The following FGD4 variants were observed in gnomAD, a reference collection of about 807,000 sequenced individuals.
FGD4 encodes FYVE, RhoGEF and PH domain containing 4, also known as FYVE, RhoGEF and PH domain-containing protein 4.
FGD4 carries 42 observed loss-of-function variants against 102.0 expected under a neutral mutation model. That is an observed-to-expected ratio of 0.41 (90% CI 0.32 to 0.53). The LOEUF (loss-of-function observed/expected upper bound fraction) is 0.53. Ranked by LOEUF, FGD4 falls within the 20% of genes least tolerant of loss-of-function variation. FGD4 has a pLI of 0.21. For missense variants in FGD4, 902 were observed against 1,078.2 expected (o/e 0.84, Z 2.29); for synonymous variants, 380 against 375.7 (o/e 1.01, Z -0.13).
intron 1 of FGD4, among the ~76,000 whole-genome samples, chr12:32,454,287 C>G (rs1411739854): frequency 6.6e-6 from 1 of 152,158 alleles, no homozygotes; most frequent in Non-Finnish European, 1.5e-5. Context: ...GGTTTTTACT[C>G]TTTCTAGTAC....
At chr12:32,406,692 G>A (rs1940946899) in intron 1 of FGD4, among the ~76,000 whole-genome samples, 1 of 152,086 alleles carries the variant, frequency 6.6e-6, no homozygotes, top group Admixed American at 6.6e-5. Context: ...GCTTCCAAAT[G>A]CCATTCTACC....
At position 32,640,838 on chromosome 12, in the gene FGD4, G is replaced by A; in HGVS notation, c.*305G>A. On this transcript the variant is annotated 3_prime_UTR_variant, in exon 17 of 17. Transcript: ENST00000534526. The stretch of plus-strand genomic sequence containing the variant: ...TTCTGTCACCGTCAGGTTAGAATGA[G>A]CACTTCCATTTAAGAAATCCTTTCA... The A allele has an allele frequency of 1.7e-6, 1 of 577,008 alleles. No homozygotes were observed. The highest frequency in any genetic ancestry group is 3.1e-6 in the Non-Finnish European group (1 of 325,746). 35.7% of individuals were successfully genotyped at this position (577,008 alleles called of 1,614,324 possible).
chr12:32,485,701 C>G (rs996417893), intron 1 of FGD4, among the ~76,000 whole-genome samples: 3 of 152,040 alleles, frequency 2.0e-5, no homozygotes, highest in African/African-American at 7.3e-5. Flanking sequence ...GCCTAGGCCT[C>G]CCAGAGTGCT....
At position 32,644,560 on chromosome 12, in the gene FGD4, T is replaced by C. The variant is rs1477840115; in HGVS notation, c.*4027T>C. 6.6e-6 allele frequency: 1 copy of C among 152,160 alleles called. No homozygotes were observed. The highest frequency in any genetic ancestry group is 1.5e-5 in the Non-Finnish European group (1 of 68,014). 9.4% of individuals were successfully genotyped at this position (152,160 alleles called of 1,614,324 possible). ...TCCTTATATATACCCCTTAATCACG[T>C]AGTCATGAGAAGATAACTTTGCTTT... On this transcript the variant is annotated 3_prime_UTR_variant, in exon 17 of 17. Coordinates refer to ENST00000534526, the MANE Select transcript of FGD4 (RefSeq NM_001370298.3).
intron 1 of FGD4, among the ~76,000 whole-genome samples, chr12:32,542,005 T>G (rs1050448336): frequency 2.6e-5 from 4 of 152,226 alleles, no homozygotes; most frequent in African/African-American, 9.6e-5. Context: ...ACCTTGCGTT[T>G]CACCGCAGGT....
intron 1 of FGD4, among the ~76,000 whole-genome samples, chr12:32,416,048 T>A (rs1345739534): frequency 6.6e-6 from 1 of 152,222 alleles, no homozygotes; most frequent in African/African-American, 2.4e-5. Flanking sequence ...CAGGCCGAAG[T>A]GCAGTGGTTC....
intron 16 of FGD4, 82 bp from the exon 17 acceptor site, chr12:32,640,193 GA>G: frequency 6.2e-7 from 1 of 1,605,238 alleles, no homozygotes; most frequent in Non-Finnish European, 8.5e-7. Context: ...ACAGTGGTAG[GA>G]AGAGAGGTTT....
At chr12:32,473,700 C>T (rs1350054453) in intron 1 of FGD4, among the ~76,000 whole-genome samples, 1 of 152,176 alleles carries the variant, frequency 6.6e-6, no homozygotes, top group East Asian at 1.9e-4. Context: ...TAAAAGCACA[C>T]GTTATTTTCC....
intron 16 of FGD4, 160 bp downstream of exon 16, chr12:32,638,955 T>C: frequency 6.8e-7 from 1 of 1,479,108 alleles, no homozygotes; most frequent in Non-Finnish European, 9.0e-7. Flanking sequence ...TTGTTTAAGC[T>C]GATTGATTCA....
chr12:32,405,206 T>C (rs947002065), intron 1 of FGD4, among the ~76,000 whole-genome samples: 12 of 150,968 alleles, frequency 7.9e-5, no homozygotes, highest in Non-Finnish European at 1.5e-4. Flanking sequence ...GTGCTGGGAT[T>C]ACAGGCGTGA....
Position 32,595,276 on chromosome 12 carries a change from T to G in FGD4, c.1012-3221T>G, listed in dbSNP as rs373779190. Among the ~76,000 whole-genome samples the G allele has an allele frequency of 6.6e-5, 10 of 152,288 alleles. 1 individual carries two copies. The highest frequency in any genetic ancestry group is 1.3e-4 in the Admixed American group (2 of 15,294). On this transcript the variant is annotated intron_variant, in intron 4 of 16. Coordinates refer to ENST00000534526, the MANE Select transcript of FGD4 (RefSeq NM_001370298.3). ...TTATAAGTAGTAATTGCTTAAAAAT[T>G]ACTTAGGTTTTTAAATTTCATGGAG...
intron 1 of FGD4, among the ~76,000 whole-genome samples, chr12:32,438,626 TTGAGATGGAG>T (rs1348949692): frequency 6.6e-6 from 1 of 151,814 alleles, no homozygotes; most frequent in Non-Finnish European, 1.5e-5. Flanking sequence ...GTTTTTTTTT[TTGAGATGGAG>T]TCTCGCTCTG....
intron 1 of FGD4, among the ~76,000 whole-genome samples, chr12:32,502,896 A>G (rs1938346402): frequency 1.3e-5 from 2 of 152,230 alleles, no homozygotes; most frequent in African/African-American, 4.8e-5. Context: ...GCATGCATGC[A>G]GGCACCGTGG....
intron 1 of FGD4, among the ~76,000 whole-genome samples, chr12:32,468,084 C>A (rs907895595): frequency 7.2e-5 from 11 of 151,758 alleles, no homozygotes; most frequent in Admixed American, 4.6e-4. Context: ...GCCCTGTCAC[C>A]CAGGCTGGAG....
At chr12:32,564,095 T>G (rs1421073291) in intron 1 of FGD4, 42 bp from the exon 2 acceptor site, 1 of 1,518,274 alleles carries the variant, frequency 6.6e-7, no homozygotes, top group Non-Finnish European at 8.8e-7. Context: ...TATTGTGATA[T>G]GCCTCCATAC....
At chr12:32,580,123 A>T (rs559158848) in intron 3 of FGD4, among the ~76,000 whole-genome samples, 4 of 152,058 alleles carry the variant, frequency 2.6e-5, no homozygotes, top group Admixed American at 2.6e-4. Context: ...GCTCCAGTAC[A>T]TCATAACTTG....
chr12:32,438,850 C>T (rs913964750), intron 1 of FGD4, among the ~76,000 whole-genome samples: 7 of 152,006 alleles, frequency 4.6e-5, no homozygotes, highest in Admixed American at 2.6e-4. Context: ...CCTCGTGATC[C>T]GCCTGCCTTG....
intron 2 of FGD4, among the ~76,000 whole-genome samples, chr12:32,566,459 G>C (rs1465684693): frequency 6.6e-6 from 1 of 152,070 alleles, no homozygotes; most frequent in African/African-American, 2.4e-5. Context: ...TTACTCATCA[G>C]CTCAGTTTTT....
In FGD4 at chr12:32,599,534, C is replaced by CTTTTTTTTTTT. The variant is rs764106230; in HGVS notation, c.1101+968_1101+978dup. ...GAATAACTTTTGAAAACTAAGGCAT[C>CTTTTTTTTTTT]TTTTTTTTTTTTTTTTTTTTTTTTT... On this transcript the variant is annotated intron_variant, in intron 5 of 16. Coordinates refer to ENST00000534526, the MANE Select transcript of FGD4 (RefSeq NM_001370298.3). Among the ~76,000 whole-genome samples the CTTTTTTTTTTT allele has an allele frequency of 1.0e-3, 36 of 35,354 alleles. 8 individuals are homozygous for CTTTTTTTTTTT. Among genetic ancestry groups the CTTTTTTTTTTT allele is most frequent in the African/African-American group, 3.9e-3 (31 of 7,902 alleles). The allele number at this position is 35,354 out of a possible 152,430, so 23.2% of individuals were successfully genotyped here.
Sources: allele counts gnomAD v4.1 joint callset (sites outside exome capture counted in the v4.1 genomes callset), GRCh38; gene constraint gnomAD v4.1.1; transcripts MANE v1.5; gene names NCBI Gene and HGNC (gene_info 2026-07-23, HGNC 2026-07-21).